NEGR1: variants seen among roughly 807,000 people sequenced by gnomAD.
NEGR1 encodes IgLON family member 4.
In NEGR1, 10 loss-of-function variants were observed where a neutral mutation model predicts 40.9. That is an observed-to-expected ratio of 0.24 (90% CI 0.15 to 0.42). The LOEUF is 0.42. NEGR1 is among the 10% of genes least tolerant of loss of function. The pLI, the probability that NEGR1 is intolerant of heterozygous loss-of-function variation, is 1.00. For missense variants in NEGR1, 352 were observed against 438.9 expected (o/e 0.80, Z 1.77); for synonymous variants, 185 against 166.8 (o/e 1.11, Z -0.84).
chr1:72,222,921 T>C (rs886069661), intron 1 of NEGR1, among the ~76,000 whole-genome samples: 1 of 152,160 alleles, frequency 6.6e-6, no homozygotes, highest in Non-Finnish European at 1.5e-5. Flanking sequence ...GTCTCTAGAT[T>C]AGTACAGTTT....
intron 2 of NEGR1, among the ~76,000 whole-genome samples, chr1:71,844,749 AG>A (rs766416692): frequency 4.6e-5 from 7 of 152,156 alleles, no homozygotes; most frequent in African/African-American, 9.7e-5. Flanking sequence ...TGACTTCAGT[AG>A]AAGAGAGAAG....
At chr1:72,096,950 G>A (rs1648725486) in intron 1 of NEGR1, among the ~76,000 whole-genome samples, 1 of 152,046 alleles carries the variant, frequency 6.6e-6, no homozygotes, top group South Asian at 2.1e-4. Flanking sequence ...CCAAAGTGCT[G>A]GGATTACAGG....
intron 1 of NEGR1, among the ~76,000 whole-genome samples, chr1:71,949,281 T>C (rs1465382289): frequency 2.6e-5 from 4 of 152,134 alleles, no homozygotes; most frequent in Non-Finnish European, 5.9e-5. Context: ...ATCCCTGACA[T>C]TTCCATTCAA....
At chr1:71,583,620 A>G (rs528607605) in intron 6 of NEGR1, among the ~76,000 whole-genome samples, 1 of 152,364 alleles carries the variant, frequency 6.6e-6, no homozygotes, top group African/African-American at 2.4e-5. Flanking sequence ...TTGTATGCAT[A>G]TCATAAACTA....
chr1:71,638,984 A>G (rs903120705), intron 4 of NEGR1, among the ~76,000 whole-genome samples: 6 of 151,796 alleles, frequency 4.0e-5, no homozygotes, highest in African/African-American at 1.4e-4. Flanking sequence ...GAGGAAGAAT[A>G]AAATAAAATA....
At chr1:71,525,600 G>T (rs1027032360) in intron 6 of NEGR1, among the ~76,000 whole-genome samples, 3 of 151,588 alleles carry the variant, frequency 2.0e-5, no homozygotes, top group African/African-American at 2.4e-5. Flanking sequence ...TACAGAGAAT[G>T]ATTTTTTAAC....
At chr1:71,802,371 G>A (rs1381175917) in intron 2 of NEGR1, among the ~76,000 whole-genome samples, 1 of 152,094 alleles carries the variant, frequency 6.6e-6, no homozygotes, top group Non-Finnish European at 1.5e-5. Context: ...GTCTCCAGTG[G>A]CCAGCACAGG....
At chr1:71,841,254 T>G (rs1390499403) in intron 2 of NEGR1, among the ~76,000 whole-genome samples, 1 of 152,128 alleles carries the variant, frequency 6.6e-6, no homozygotes, top group East Asian at 1.9e-4. Context: ...AACATAATTT[T>G]CAAATATAAA....
At chr1:71,842,443 T>G (rs2101803629) in intron 2 of NEGR1, among the ~76,000 whole-genome samples, 1 of 152,310 alleles carries the variant, frequency 6.6e-6, no homozygotes, top group East Asian at 1.9e-4. Flanking sequence ...GAAGATTCTT[T>G]AAGCTCCTTA....
intron 6 of NEGR1, among the ~76,000 whole-genome samples, chr1:71,534,395 C>G (rs1354469878): frequency 6.6e-6 from 1 of 151,662 alleles, no homozygotes; most frequent in African/African-American, 2.4e-5. Flanking sequence ...TCCCGTTCTG[C>G]AGGGCTGATT....
intron 3 of NEGR1, among the ~76,000 whole-genome samples, chr1:71,754,503 G>A (rs1655668187): frequency 6.6e-6 from 1 of 152,084 alleles, no homozygotes; most frequent in South Asian, 2.1e-4. Flanking sequence ...AATTACTGTT[G>A]AAGCCAAATG....
At chr1:72,277,031 G>A (rs990083314) in intron 1 of NEGR1, among the ~76,000 whole-genome samples, 3 of 152,078 alleles carry the variant, frequency 2.0e-5, no homozygotes, top group Admixed American at 1.3e-4. Context: ...GAACAAAAAA[G>A]GTTCCAGTGG....
At chr1:71,766,905 T>A (rs1656152643) in intron 3 of NEGR1, among the ~76,000 whole-genome samples, 1 of 152,172 alleles carries the variant, frequency 6.6e-6, no homozygotes, top group Non-Finnish European at 1.5e-5. Flanking sequence ...TTTGTCCTTG[T>A]AACATGTGCT....
intron 3 of NEGR1, among the ~76,000 whole-genome samples, chr1:71,758,713 T>A (rs1339837964): frequency 6.6e-6 from 1 of 152,126 alleles, no homozygotes; most frequent in Non-Finnish European, 1.5e-5. Context: ...CTAATAATAA[T>A]TTACTGCAAG....
chr1:71,909,311 T>C lies in NEGR1; in HGVS notation c.409+25768A>G, dbSNP rs565065638. On this transcript the variant is annotated intron_variant, in intron 2 of 6. Transcript: ENST00000357731. ...CAAGTATTCCATATATCAGACAACA[T>C]AGGACTGAAAAAGAAAAAGTATGGA... is the stretch of plus-strand genomic sequence containing the variant. Among the ~76,000 whole-genome samples the C allele has an allele frequency of 2.6e-5, 4 of 152,312 alleles. No homozygotes were observed. In the East Asian group the frequency reaches 7.7e-4, roughly 29 times the overall value.
At chr1:71,538,085 T>C (rs367885895) in intron 6 of NEGR1, among the ~76,000 whole-genome samples, 35 of 151,642 alleles carry the variant, frequency 2.3e-4, no homozygotes, top group African/African-American at 8.2e-4. Context: ...ACATTTTCAA[T>C]AGTTATGTGG....
chr1:71,508,799 C>T (rs1647053070), intron 6 of NEGR1, among the ~76,000 whole-genome samples: 1 of 152,252 alleles, frequency 6.6e-6, no homozygotes, highest in East Asian at 1.9e-4. Flanking sequence ...CCAGGGGCTC[C>T]CCGCCAGATA....
intron 2 of NEGR1, among the ~76,000 whole-genome samples, chr1:71,868,436 AAGAT>A (rs59923029): frequency 0.12 from 17,622 of 149,774 alleles, 1,105 homozygotes; most frequent in African/African-American, 0.14. Context: ...TAGATGATAG[AAGAT>A]AGATAGATAG....
intron 6 of NEGR1, among the ~76,000 whole-genome samples, chr1:71,529,857 A>G (rs576229063): frequency 3.3e-5 from 5 of 151,256 alleles, no homozygotes; most frequent in African/African-American, 9.7e-5. Context: ...TTTCATTCTT[A>G]TTATGTACTA....
Sources: gnomAD v4.1 joint callset for allele counts (sites outside exome capture counted in the v4.1 genomes callset) on GRCh38, gnomAD v4.1.1 for gene constraint, MANE v1.5 for transcripts, NCBI Gene and HGNC (gene_info 2026-07-23, HGNC 2026-07-21) for gene names.